Variants in CDH10 observed in about 807,000 individuals in gnomAD.
CDH10 encodes cadherin 10.
CDH10 carries 30 observed loss-of-function variants against 73.1 expected under a neutral mutation model. That is an observed-to-expected ratio of 0.41 (90% CI 0.31 to 0.56). The LOEUF (loss-of-function observed/expected upper bound fraction) is 0.56, where lower values mean the gene tolerates loss of function less well. Ranked by LOEUF, CDH10 falls within the 20% of genes least tolerant of loss-of-function variation. CDH10 has a pLI of 0.27. For synonymous variants in CDH10, 345 were observed against 348.2 expected, an observed-to-expected ratio of 0.99 and a Z score of 0.10; for missense variants, 815 against 973.7, an observed-to-expected ratio of 0.84 and a Z score of 2.17.
intron 5 of CDH10, among the ~76,000 whole-genome samples, chr5:24,521,311 G>A (rs981552218): frequency 3.3e-5 from 5 of 152,146 alleles, no homozygotes; most frequent in Admixed American, 1.3e-4. Context: ...CTGAGAGGCC[G>A]AGGTGGGCGG....
chr5:24,585,568 T>C (rs1357811737), intron 2 of CDH10, among the ~76,000 whole-genome samples: 1 of 151,984 alleles, frequency 6.6e-6, no homozygotes, highest in African/African-American at 2.4e-5. Context: ...GATTGCAAGC[T>C]CCTGCTACCA....
rs1745679167 is a variant in CDH10, at chr5:24,578,499, C to CA, written c.231+14760dup. On this transcript the variant is annotated intron_variant, in intron 2 of 11. Coordinates refer to ENST00000264463, the MANE Select transcript of CDH10 (RefSeq NM_006727.5). ...TCAGAATCACTGGATTCACCAGCTACATATCTTTCTGCTATACTCTGATCC... is the reference window on the plus strand; with the variant it reads ...TCAGAATCACTGGATTCACCAGCTACAATATCTTTCTGCTATACTCTGATCC... 4 of 357,598 alleles carry CA rather than the reference C, an allele frequency of 1.1e-5. No individual in the cohort carries two copies. The South Asian group carries it at 1.2e-4, about 10-fold the overall frequency. 22.2% of individuals were successfully genotyped at this position (357,598 alleles called of 1,614,324 possible). A position where few individuals can be genotyped will look rare whatever the true frequency, so the allele number is the denominator to read the frequency against.
At chr5:24,588,233 T>A in intron 2 of CDH10, among the ~76,000 whole-genome samples, 1 of 152,184 alleles carries the variant, frequency 6.6e-6, no homozygotes, top group East Asian at 1.9e-4. Flanking sequence ...TAAGTAAAAT[T>A]TCCTAATGCA....
intron 8 of CDH10, among the ~76,000 whole-genome samples, chr5:24,500,555 C>T (rs886281765): frequency 2.0e-5 from 3 of 152,216 alleles, no homozygotes; most frequent in African/African-American, 7.2e-5. Context: ...TGCTTTGATT[C>T]CCAAGTTCAC....
At chr5:24,554,191 A>C (rs1744677529) in intron 2 of CDH10, 1 of 66,568 alleles carries the variant, frequency 1.5e-5, no homozygotes, top group African/African-American at 3.0e-5. Context: ...CAACTTCGTA[A>C]GTAACTCTAA....
intron 3 of CDH10, among the ~76,000 whole-genome samples, chr5:24,536,871 CATA>C (rs140938956): frequency 6.6e-6 from 1 of 151,736 alleles, no homozygotes; most frequent in African/African-American, 2.4e-5. Flanking sequence ...GAGTTTTATA[CATA>C]ATAATTATAA....
chr5:24,632,141 C>G (rs1747723018), intron 1 of CDH10, among the ~76,000 whole-genome samples: 1 of 151,986 alleles, frequency 6.6e-6, no homozygotes, highest in African/African-American at 2.4e-5. Flanking sequence ...ATATTTCTAG[C>G]TAAAATTATT....
chr5:24,529,261 C>G (rs1184546107), intron 5 of CDH10, among the ~76,000 whole-genome samples: 1 of 151,908 alleles, frequency 6.6e-6, no homozygotes, highest in Non-Finnish European at 1.5e-5. Flanking sequence ...TATGACATCT[C>G]TTTTAGGTTC....
intron 9 of CDH10, among the ~76,000 whole-genome samples, chr5:24,496,551 T>A (rs1387789495): frequency 6.6e-6 from 1 of 152,140 alleles, no homozygotes; most frequent in East Asian, 1.9e-4. Flanking sequence ...CAGGGAATGG[T>A]CATTAGTTTT....
chr5:24,554,114 G>GAGAGAGA (rs1561159213), intron 2 of CDH10: 3 of 98,306 alleles, frequency 3.1e-5, no homozygotes, highest in Non-Finnish European at 4.3e-5. Context: ...AGGTGGGCGG[G>GAGAGAGA]GGGGGGAGAG....
intron 3 of CDH10, among the ~76,000 whole-genome samples, chr5:24,536,030 G>A (rs1579774698): frequency 6.6e-6 from 1 of 152,006 alleles, no homozygotes; most frequent in Non-Finnish European, 1.5e-5. Context: ...TAGTCAACAT[G>A]TCTATTTTTA....
At chr5:24,591,214 TAATAC>T (rs1417508942) in intron 2 of CDH10, among the ~76,000 whole-genome samples, 2 of 152,030 alleles carry the variant, frequency 1.3e-5, no homozygotes, top group Admixed American at 6.6e-5. Flanking sequence ...ATAAGGCAAT[TAATAC>T]AATAGTATAG....
chr5:24,642,913 T>C (rs1486768412), intron 1 of CDH10, among the ~76,000 whole-genome samples: 2 of 151,416 alleles, frequency 1.3e-5, no homozygotes, highest in Non-Finnish European at 2.9e-5. Flanking sequence ...CAGCAAGTAT[T>C]TGAAACCCAA....
Position 24,509,737 on chromosome 5 carries a change from A to C in CDH10, c.1085T>G (p.Leu362Arg). The C allele has an allele frequency of 1.2e-6, 2 of 1,612,988 alleles. No individual in the cohort carries two copies. Among genetic ancestry groups the C allele is most frequent in the Non-Finnish European group, 1.7e-6 (2 of 1,179,012 alleles). ...NTHVDPRFYYLGPFKDTTIVK... is the reference protein window; with the variant it reads ...NTHVDPRFYYRGPFKDTTIVK... ...TATGGTAGTATCTTTAAATGGTCCT[A>C]GGTAATAAAAACGGGGATCTACATG... Residue 362 changes from leucine to arginine, a missense_variant, in exon 7 of 12, where the codon CTA becomes CGA. Leu to Arg is a moderately radical substitution (Grantham distance 102). This residue lies in a region of CDH10 where 516 missense variants were observed against 636.6 expected (regional missense o/e 0.81). Transcript: ENST00000264463.
chr5:24,559,134 T>TAA (rs1744869127), intron 2 of CDH10, among the ~76,000 whole-genome samples: 1 of 151,642 alleles, frequency 6.6e-6, no homozygotes, highest in Non-Finnish European at 1.5e-5. Context: ...TGTACACAAA[T>TAA]ATGCTGTCAG....
At chr5:24,620,868 A>G (rs1747293795) in intron 1 of CDH10, among the ~76,000 whole-genome samples, 1 of 152,236 alleles carries the variant, frequency 6.6e-6, no homozygotes, top group Admixed American at 6.5e-5. Context: ...CAATCAATTT[A>G]GCTGACTGAC....
chr5:24,493,884 C>A (rs1386066756), intron 9 of CDH10, among the ~76,000 whole-genome samples: 1 of 151,672 alleles, frequency 6.6e-6, no homozygotes, highest in Non-Finnish European at 1.5e-5. Flanking sequence ...GTTGGTTAAA[C>A]AAGTGATTTC....
At chr5:24,606,668 C>T (rs1014628678) in intron 1 of CDH10, among the ~76,000 whole-genome samples, 2 of 151,890 alleles carry the variant, frequency 1.3e-5, no homozygotes, top group African/African-American at 4.8e-5. Flanking sequence ...AGGATGAATG[C>T]AATGTATAAA....
chr5:24,627,315 T>C (rs1747542826), intron 1 of CDH10, among the ~76,000 whole-genome samples: 1 of 152,132 alleles, frequency 6.6e-6, no homozygotes, highest in Non-Finnish European at 1.5e-5. Context: ...GTTTAAAATA[T>C]GACATATTTG....
Sources: gnomAD v4.1 joint callset for allele counts (sites outside exome capture counted in the v4.1 genomes callset) on GRCh38, gnomAD v4.1.1 for gene constraint, gnomAD v4.1.1 regional missense constraint, MANE v1.5 for transcripts, NCBI Gene and HGNC (gene_info 2026-07-23, HGNC 2026-07-21) for gene names.